The following NEK10 variants were observed in gnomAD, a reference collection of about 807,000 sequenced individuals.
NEK10 encodes NIMA related kinase 10.
Under a neutral mutation model 159.8 loss-of-function variants are expected in NEK10, and 122 were observed. That is an observed-to-expected ratio of 0.76 (90% CI 0.66 to 0.89). The LOEUF is 0.89. NEK10 is among the 40% of genes least tolerant of loss of function. The pLI is 0.00. For missense variants in NEK10, 1,342 were observed against 1,323.1 expected (o/e 1.01, Z -0.22); for synonymous variants, 466 against 457.1 (o/e 1.02, Z -0.25).
intron 23 of NEK10, among the ~76,000 whole-genome samples, chr3:27,234,638 T>A (rs1331799690): frequency 6.6e-6 from 1 of 152,082 alleles, no homozygotes; most frequent in Non-Finnish European, 1.5e-5. Flanking sequence ...GGAAAAACAT[T>A]CCATGTTCAT....
chr3:27,252,265 T>A, intron 23 of NEK10: 1 of 490,750 alleles, frequency 2.0e-6, no homozygotes. Flanking sequence ...AGGTTGCTAT[T>A]TGGGGCAAGT....
intron 4 of NEK10, among the ~76,000 whole-genome samples, chr3:27,345,514 G>A (rs759721302): frequency 6.6e-6 from 1 of 152,102 alleles, no homozygotes; most frequent in Non-Finnish European, 1.5e-5. Flanking sequence ...TATTTACATG[G>A]TACTTAGTGC....
intron 31 of NEK10, among the ~76,000 whole-genome samples, chr3:27,136,570 A>G (rs1227835234): frequency 6.6e-6 from 1 of 152,224 alleles, no homozygotes; most frequent in East Asian, 1.9e-4. Flanking sequence ...CTCAAAGGTA[A>G]CATATGTACT....
chr3:27,352,807 G>A lies in NEK10; in HGVS notation c.71+5C>T, dbSNP rs2048067232. 2 of 1,594,756 alleles carry A rather than the reference G, an allele frequency of 1.3e-6. No individual in the cohort carries two copies. Among genetic ancestry groups the A allele is most frequent in the Non-Finnish European group, 1.7e-6 (2 of 1,162,646 alleles). The stretch of plus-strand genomic sequence containing the variant: ...ACAATTAGCAAACACTCAGTAGGGA[G>A]TTACCTGATGGTGATTTCTTGCTGT... On this transcript the variant is annotated splice_donor_5th_base_variant and intron_variant, in intron 2 of 35. Coordinates refer to ENST00000691995, the MANE Select transcript of NEK10 (RefSeq NM_001394966.1).
intron 33 of NEK10, among the ~76,000 whole-genome samples, chr3:27,118,616 TG>T (rs891779625): frequency 6.6e-6 from 1 of 152,202 alleles, no homozygotes; most frequent in Non-Finnish European, 1.5e-5. Flanking sequence ...CCAGCTGCCC[TG>T]GGGGGAGTTT....
chr3:27,297,308 T>G, intron 13 of NEK10, 68 bp from the exon 14 acceptor site: 4 of 1,002,214 alleles, frequency 4.0e-6, no homozygotes, highest in South Asian at 1.4e-5. Context: ...ATAAATACTC[T>G]TACTCCACAG....
At position 27,201,530 on chromosome 3, in the gene NEK10, T is replaced by C. The variant is rs781414734; in HGVS notation, c.2271A>G (p.Lys757=). The change falls in exon 25 of 36, where the codon AAA becomes AAG. Residue 757 remains lysine, a synonymous_variant. Transcript: ENST00000691995. ...ATTACCTGCTGATGGTGTCTGTTAC[T>C]TTTTCAGAGTAGATACCTTCTGGGA... The part of the protein sequence containing the change: ...EPVPEGIYSE[K]VTDTISRCLT... 3.2e-5 allele frequency: 52 copies of C among 1,613,968 alleles called. No individual in the cohort carries two copies. The East Asian group carries it at 1.1e-3, about 35-fold the overall frequency.
At chr3:27,154,793 T>C (rs532504737) in intron 30 of NEK10, among the ~76,000 whole-genome samples, 2 of 152,306 alleles carry the variant, frequency 1.3e-5, no homozygotes, top group African/African-American at 4.8e-5. Context: ...ACAAGGGACA[T>C]ACCTCAATGT....
At chr3:27,125,282 C>T (rs887492122) in intron 32 of NEK10, among the ~76,000 whole-genome samples, 1 of 151,934 alleles carries the variant, frequency 6.6e-6, no homozygotes, top group Non-Finnish European at 1.5e-5. Context: ...ATTAAATTTC[C>T]CAAACAACAT....
intron 22 of NEK10, among the ~76,000 whole-genome samples, chr3:27,266,499 G>A (rs368350149): frequency 4.6e-5 from 7 of 152,112 alleles, no homozygotes; most frequent in Admixed American, 1.3e-4. Context: ...TTTCACTTAA[G>A]TGTCTCCTAG....
chr3:27,117,909 T>A (rs770670874), intron 33 of NEK10, among the ~76,000 whole-genome samples: 99 of 152,316 alleles, frequency 6.5e-4, no homozygotes, highest in Non-Finnish European at 7.5e-4. Context: ...ATGTCCTGAA[T>A]GGTATTGTCT....
intron 23 of NEK10, among the ~76,000 whole-genome samples, chr3:27,241,836 G>A (rs868079391): frequency 6.6e-6 from 1 of 152,186 alleles, no homozygotes; most frequent in Non-Finnish European, 1.5e-5. Context: ...CAAAGTTGCA[G>A]CTGGGACTTA....
At chr3:27,200,339 G>T (rs1949940281) in intron 25 of NEK10, among the ~76,000 whole-genome samples, 1 of 152,048 alleles carries the variant, frequency 6.6e-6, no homozygotes, top group African/African-American at 2.4e-5. Flanking sequence ...AGTTTTAAAA[G>T]ACTCAGAAGG....
intron 23 of NEK10, among the ~76,000 whole-genome samples, chr3:27,243,662 T>C (rs182658593): frequency 0.013 from 2,047 of 152,308 alleles, 30 homozygotes; most frequent in Non-Finnish European, 0.022. Flanking sequence ...ATTTATTACA[T>C]AGAAAACAGA....
intron 15 of NEK10, among the ~76,000 whole-genome samples, chr3:27,294,019 T>C (rs820617): frequency 0.4 from 60,735 of 152,144 alleles, 15,806 homozygotes; most frequent in African/African-American, 0.75. Flanking sequence ...GCCTGCTATG[T>C]ATACCTCAAT....
intron 5 of NEK10, among the ~76,000 whole-genome samples, chr3:27,339,790 A>C (rs1446503153): frequency 6.6e-6 from 1 of 152,172 alleles, no homozygotes; most frequent in South Asian, 2.1e-4. Flanking sequence ...AAAAAAAAAA[A>C]AAAAAACCCA....
At chr3:27,364,407 T>C (rs1049632313) in intron 1 of NEK10, among the ~76,000 whole-genome samples, 5 of 137,054 alleles carry the variant, frequency 3.6e-5, no homozygotes, top group Non-Finnish European at 7.9e-5. Context: ...TGTGTGTGTA[T>C]AGTAGAGACG....
intron 23 of NEK10, among the ~76,000 whole-genome samples, chr3:27,236,896 A>C (rs1489815701): frequency 1.3e-5 from 2 of 152,162 alleles, no homozygotes; most frequent in African/African-American, 4.8e-5. Context: ...CAAATTTACT[A>C]GGGTGGGATC....
chr3:27,369,247 C>T lies in NEK10; in HGVS notation c.-60G>A, dbSNP rs544404658. ...CACCGCGCGGGAGGGACGGTCCCTC[C>T]TTCAGGCCAATCTCCTTATCATTGT... On this transcript the variant is annotated 5_prime_UTR_variant, in exon 1 of 36. Coordinates refer to ENST00000691995, the MANE Select transcript of NEK10 (RefSeq NM_001394966.1). The surrounding 1 kb of genome is among the most constrained non-coding windows in gnomAD (Gnocchi z 4.2). 1 of 152,344 alleles carries T rather than the reference C, an allele frequency of 6.6e-6. No individual in the cohort carries two copies. The highest frequency in any genetic ancestry group is 1.9e-4 in the East Asian group (1 of 5,132). The allele number at this position is 152,344 out of a possible 1,614,324, so 9.4% of individuals were successfully genotyped here. A position where few individuals can be genotyped will look rare whatever the true frequency, so the allele number is the denominator to read the frequency against.
Sources: gnomAD v4.1 joint callset for allele counts (sites outside exome capture counted in the v4.1 genomes callset) on GRCh38, gnomAD v4.1.1 for gene constraint, Gnocchi (gnomAD v3.1) non-coding constraint, MANE v1.5 for transcripts, NCBI Gene and HGNC (gene_info 2026-07-23, HGNC 2026-07-21) for gene names.